The following SH3RF3 variants were observed in gnomAD, a reference collection of about 807,000 sequenced individuals.
SH3RF3 encodes E3 ubiquitin-protein ligase SH3RF3.
Under a neutral mutation model 66.3 loss-of-function variants are expected in SH3RF3, and 29 were observed. The ratio of observed to expected loss-of-function variants is 0.44; its 90% CI spans 0.33 to 0.60. The LOEUF (loss-of-function observed/expected upper bound fraction) is 0.60, where lower values mean the gene tolerates loss of function less well. Among genes scored for constraint, SH3RF3 ranks in the 20% least tolerant of loss-of-function variants. The pLI, the probability that SH3RF3 is intolerant of heterozygous loss-of-function variation, is 0.04. For missense variants in SH3RF3, 1,194 were observed against 1,190.9 expected (o/e 1.00, Z -0.04); for synonymous variants, 583 against 532.0 (o/e 1.10, Z -1.32).
intron 1 of SH3RF3, among the ~76,000 whole-genome samples, chr2:109,254,659 TC>T (rs1363243347): frequency 9.2e-5 from 14 of 152,184 alleles, no homozygotes; most frequent in South Asian, 6.2e-4. Context: ...GGGTTTCACT[TC>T]CTGCTGTCTC....
At chr2:109,450,712 A>G (rs746887284) in intron 8 of SH3RF3, among the ~76,000 whole-genome samples, 1 of 152,154 alleles carries the variant, frequency 6.6e-6, no homozygotes, top group Non-Finnish European at 1.5e-5. Flanking sequence ...CCAATAAGCA[A>G]TTCTCCAGGG....
chr2:109,375,463 C>T (rs924031796), intron 3 of SH3RF3, among the ~76,000 whole-genome samples: 2 of 152,206 alleles, frequency 1.3e-5, no homozygotes, highest in African/African-American at 4.8e-5. Flanking sequence ...TGGGCCTGGC[C>T]TCTCACCCTC....
intron 3 of SH3RF3, among the ~76,000 whole-genome samples, chr2:109,388,889 A>G (rs1675903975): frequency 6.6e-6 from 1 of 152,084 alleles, no homozygotes; most frequent in South Asian, 2.1e-4. Context: ...TGCCACCTGG[A>G]GGCTTTCTAG....
At chr2:109,432,424 C>G in intron 5 of SH3RF3, 77 bp from the exon 6 acceptor site, 5 of 1,561,706 alleles carry the variant, frequency 3.2e-6, no homozygotes, top group Non-Finnish European at 4.3e-6. Context: ...CAAAGACAAC[C>G]TCCCCCCAGG....
intron 1 of SH3RF3, among the ~76,000 whole-genome samples, chr2:109,236,940 A>G (rs979332289): frequency 1.3e-5 from 2 of 152,206 alleles, no homozygotes; most frequent in African/African-American, 4.8e-5. Context: ...GGCAGTCCCC[A>G]GAGAAATTTC....
At chr2:109,395,132 A>G (rs142558767) in intron 3 of SH3RF3, among the ~76,000 whole-genome samples, 214 of 152,372 alleles carry the variant, frequency 1.4e-3, no homozygotes, top group Middle Eastern at 3.4e-3. Context: ...ACAGATCTGT[A>G]GCAGTGCCTG....
chr2:109,360,543 G>A (rs1462473867), intron 2 of SH3RF3, among the ~76,000 whole-genome samples: 1 of 152,180 alleles, frequency 6.6e-6, no homozygotes, highest in Admixed American at 6.5e-5. Flanking sequence ...ATCTCATTAT[G>A]TATATGCAAA....
chr2:109,155,239 T>G (rs1422270380), intron 1 of SH3RF3, among the ~76,000 whole-genome samples: 3 of 152,228 alleles, frequency 2.0e-5, no homozygotes, highest in Non-Finnish European at 4.4e-5. Flanking sequence ...CTATGCCTAT[T>G]TTATAGTATT....
chr2:109,389,573 G>A (rs1344998014), intron 3 of SH3RF3, among the ~76,000 whole-genome samples: 2 of 152,162 alleles, frequency 1.3e-5, no homozygotes, highest in Non-Finnish European at 2.9e-5. Context: ...ACTGCTCTAA[G>A]CCAGAGATCT....
intron 4 of SH3RF3, among the ~76,000 whole-genome samples, chr2:109,413,385 A>G (rs1041941478): frequency 2.0e-5 from 3 of 152,108 alleles, no homozygotes; most frequent in African/African-American, 7.2e-5. Context: ...AAGTTCTGGG[A>G]TTACAGGCGT....
At chr2:109,229,126 G>A (rs996896409) in intron 1 of SH3RF3, among the ~76,000 whole-genome samples, 24 of 152,024 alleles carry the variant, frequency 1.6e-4, no homozygotes, top group African/African-American at 5.8e-4. Flanking sequence ...TCCTAGCCCC[G>A]CTATCACTCA....
Position 109,129,602 on chromosome 2 carries a change from A to G in SH3RF3, c.62A>G (p.Glu21Gly). Residue 21 changes from glutamate to glycine, a missense_variant, in exon 1 of 10, where the codon GAG (glutamate) becomes GGG (glycine). Glu to Gly is a moderately conservative substitution (Grantham distance 98). Transcript: ENST00000309415. ...GCGGCCGCCGCTGCTGCGCAGAGCG[A>G]GGGCGACGAGGACAGGCCAGGCGAG... ...SKAAAAAAQS[E>G]GDEDRPGERR... 6.8e-7 allele frequency: 1 copy of G among 1,480,848 alleles called. No homozygotes were observed. The highest frequency in any genetic ancestry group is 1.3e-5 in the South Asian group (1 of 76,480). The allele number at this position is 1,480,848 out of a possible 1,614,324, so 91.7% of individuals were successfully genotyped here.
chr2:109,474,109 A>G (rs1183346140), intron 8 of SH3RF3, among the ~76,000 whole-genome samples: 5 of 152,066 alleles, frequency 3.3e-5, no homozygotes, highest in African/African-American at 1.2e-4. Context: ...GGCCGGGCTG[A>G]GGAAGGTGGC....
chr2:109,443,629 A>G (rs189233823), intron 7 of SH3RF3, among the ~76,000 whole-genome samples: 4 of 152,364 alleles, frequency 2.6e-5, no homozygotes, highest in Non-Finnish European at 5.9e-5. Context: ...ATAGAGCAGA[A>G]TTTATAAAAA....
chr2:109,192,957 G>A (rs1864477), intron 1 of SH3RF3, among the ~76,000 whole-genome samples: 124,547 of 152,240 alleles, frequency 0.82, 51,076 homozygotes, highest in East Asian at 0.89. Flanking sequence ...TGTTTTGCAA[G>A]AAGAAGAGGT....
chr2:109,130,203 G>T, intron 1 of SH3RF3, 90 bp downstream of exon 1: 1 of 1,174,132 alleles, frequency 8.5e-7, no homozygotes, highest in South Asian at 3.8e-5. Flanking sequence ...AGGTGCGGAG[G>T]AGACCACGGG....
chr2:109,312,528 C>T (rs1366471817), intron 1 of SH3RF3, among the ~76,000 whole-genome samples: 3 of 152,134 alleles, frequency 2.0e-5, no homozygotes, highest in Non-Finnish European at 2.9e-5. Flanking sequence ...GCAGCCACCC[C>T]GCTGGGCCCC....
intron 1 of SH3RF3, among the ~76,000 whole-genome samples, chr2:109,143,809 TACAC>T (rs33913705): frequency 3.7e-4 from 55 of 148,826 alleles, no homozygotes; most frequent in East Asian, 2.8e-3. Context: ...CTGTGCTGTA[TACAC>T]ACACACACAC....
At chr2:109,217,664 T>G (rs1679131257) in intron 1 of SH3RF3, among the ~76,000 whole-genome samples, 1 of 152,184 alleles carries the variant, frequency 6.6e-6, no homozygotes, top group Non-Finnish European at 1.5e-5. Flanking sequence ...ATGAGGAAGC[T>G]CTCTCACCGG....
Sources: allele counts gnomAD v4.1 joint callset (sites outside exome capture counted in the v4.1 genomes callset), GRCh38; gene constraint gnomAD v4.1.1; transcripts MANE v1.5; gene names NCBI Gene and HGNC (gene_info 2026-07-23, HGNC 2026-07-21).